JAKMIP3: variants seen among roughly 807,000 people sequenced by gnomAD.
JAKMIP3 encodes the protein Janus kinase and microtubule interacting protein 3.
A neutral mutation model predicts 118.5 loss-of-function variants in JAKMIP3; 58 were observed. The ratio of observed to expected loss-of-function variants is 0.49; its 90% CI spans 0.40 to 0.61. JAKMIP3 has a LOEUF of 0.61. Among genes scored for constraint, JAKMIP3 ranks in the 20% least tolerant of loss-of-function variants. JAKMIP3 has a pLI of 0.00. For synonymous variants in JAKMIP3, 486 were observed against 451.2 expected (o/e 1.08, Z -0.98); for missense variants, 950 against 1,109.0 (o/e 0.86, Z 2.04).
intron 21 of JAKMIP3, among the ~76,000 whole-genome samples, chr10:132,166,412 T>A (rs1355091280): frequency 6.6e-6 from 1 of 152,130 alleles, no homozygotes; most frequent in African/African-American, 2.4e-5. Flanking sequence ...CCCGATTTTC[T>A]CTCGTGTCCA....
At chr10:132,181,229 T>A (rs1180289557) in intron 23 of JAKMIP3, 1 of 152,262 alleles carries the variant, frequency 6.6e-6, no homozygotes, top group African/African-American at 2.4e-5. Context: ...CCAAATGCTC[T>A]GGTCTTGTTC....
Position 132,136,093 on chromosome 10 carries a change from C to T in JAKMIP3, c.1116+17C>T. 2 of 1,611,636 alleles carry T rather than the reference C, an allele frequency of 1.2e-6. No homozygotes were observed. Among genetic ancestry groups the T allele is most frequent in the Non-Finnish European group, 1.7e-6 (2 of 1,179,008 alleles). On this transcript the variant is annotated intron_variant, in intron 6 of 23. Coordinates refer to ENST00000684848, the MANE Select transcript of JAKMIP3 (RefSeq NM_001323087.2). ...ATAGAAATGGTGAGGGGGTGGGGGG[C>T]TCCACGGGGCCACGGTCGCACCCGA...
In JAKMIP3 at chr10:132,145,551, T is replaced by C; in HGVS notation, c.1720T>C (p.Tyr574His). The change falls in exon 13 of 24, where the codon TAC becomes CAC. Residue 574 changes from tyrosine to histidine, a missense_variant. Physicochemically the swap from Tyr to His is moderately conservative, Grantham distance 83 (BLOSUM62 2). Transcript: ENST00000684848. ...GTGGATTGAAGAGAAGCAGGCACTGTACCGGAGAAATCAAGAGCTTGTGGA... is the reference window on the plus strand; with the variant it reads ...GTGGATTGAAGAGAAGCAGGCACTGCACCGGAGAAATCAAGAGCTTGTGGA... ...MKWIEEKQAL[Y>H]RRNQELVEKI... 1 of 1,565,170 alleles carries C rather than the reference T, an allele frequency of 6.4e-7. No individual in the cohort carries two copies.
intron 3 of JAKMIP3, among the ~76,000 whole-genome samples, chr10:132,122,794 A>T (rs2048782079): frequency 6.6e-6 from 1 of 152,170 alleles, no homozygotes; most frequent in South Asian, 2.1e-4. Context: ...GGGCTGCTGG[A>T]GAAGCTGGGT....
At chr10:132,063,658 G>A (rs1033047342), upstream of JAKMIP3, among the ~76,000 whole-genome samples, 1 of 151,456 alleles carries the variant, frequency 6.6e-6, no homozygotes. Flanking sequence ...GGCTCCGGGA[G>A]AGAACGGACC....
chr10:132,103,591 C>T (rs2045444067), intron 1 of JAKMIP3, among the ~76,000 whole-genome samples: 1 of 152,002 alleles, frequency 6.6e-6, no homozygotes, highest in Non-Finnish European at 1.5e-5. Flanking sequence ...TCTCACCAGC[C>T]TCGTCTAATC....
chr10:132,038,747 C>T (rs1205434398), intron 1 of JAKMIP3, among the ~76,000 whole-genome samples: 5 of 147,658 alleles, frequency 3.4e-5, no homozygotes, highest in East Asian at 2.0e-4. Context: ...GAGCTGAGAT[C>T]GCGCCACTGC....
At chr10:132,137,468 T>A (rs2052045511) in intron 8 of JAKMIP3, among the ~76,000 whole-genome samples, 179 bp downstream of exon 8, 1 of 152,192 alleles carries the variant, frequency 6.6e-6, no homozygotes, top group African/African-American at 2.4e-5. Flanking sequence ...GCTGACGCCC[T>A]TCAGTGTGGG....
chr10:132,132,497 C>T (rs547199563), intron 3 of JAKMIP3, among the ~76,000 whole-genome samples: 2 of 152,274 alleles, frequency 1.3e-5, no homozygotes, highest in Admixed American at 6.5e-5. Flanking sequence ...CTGCCATATC[C>T]CCGGAAGGAA....
intron 1 of JAKMIP3, among the ~76,000 whole-genome samples, chr10:132,050,593 T>C (rs983438322): frequency 6.6e-6 from 1 of 152,146 alleles, no homozygotes; most frequent in Non-Finnish European, 1.5e-5. Context: ...GAAGGATTTC[T>C]TGAGGTTGTA....
At chr10:132,067,241 C>T (rs1049873577) in intron 1 of JAKMIP3, among the ~76,000 whole-genome samples, 3 of 147,994 alleles carry the variant, frequency 2.0e-5, no homozygotes, top group African/African-American at 5.0e-5. Flanking sequence ...AGACAAGACG[C>T]CTGGCACATT....
chr10:132,132,668 G>T (rs2050864110), intron 3 of JAKMIP3, among the ~76,000 whole-genome samples: 1 of 152,250 alleles, frequency 6.6e-6, no homozygotes, highest in African/African-American at 2.4e-5. Flanking sequence ...TTAATGAGCA[G>T]TGTGGCTCTG....
intron 3 of JAKMIP3, among the ~76,000 whole-genome samples, chr10:132,132,124 G>A (rs1285142633): frequency 6.6e-6 from 1 of 152,206 alleles, no homozygotes; most frequent in Non-Finnish European, 1.5e-5. Context: ...TGGGGATTTA[G>A]CAATTAAGGA....
At chr10:132,124,316 A>G (rs181800788) in intron 3 of JAKMIP3, among the ~76,000 whole-genome samples, 233 of 145,754 alleles carry the variant, frequency 1.6e-3, no homozygotes, top group Non-Finnish European at 3.0e-3. Flanking sequence ...CAGCTGAACC[A>G]GCCGGCCGCG....
intron 19 of JAKMIP3, among the ~76,000 whole-genome samples, chr10:132,159,566 G>GT (rs1399540703): frequency 7.5e-6 from 1 of 133,924 alleles, no homozygotes; most frequent in Non-Finnish European, 1.6e-5. Context: ...GATGCTGGGG[G>GT]GGCGTGTCTC....
chr10:132,142,666 G>C (rs1244911369), intron 11 of JAKMIP3, among the ~76,000 whole-genome samples: 1 of 152,226 alleles, frequency 6.6e-6, no homozygotes, highest in Non-Finnish European at 1.5e-5. Context: ...TGGGGAGAGC[G>C]TGGGCCATGG....
At chr10:132,109,105 C>CACACACATATATATATATAT (rs1564908500) in intron 2 of JAKMIP3, among the ~76,000 whole-genome samples, 4 of 93,784 alleles carry the variant, frequency 4.3e-5, no homozygotes, top group African/African-American at 1.5e-4. Flanking sequence ...TATATATATA[C>CACACACATATATATATATAT]ACACACACAT....
chr10:132,130,607 C>T (rs953960323), intron 3 of JAKMIP3, among the ~76,000 whole-genome samples: 3 of 152,204 alleles, frequency 2.0e-5, no homozygotes, highest in Non-Finnish European at 4.4e-5. Context: ...GAGACCTGCT[C>T]GGGGGTTGCA....
At chr10:132,180,885 G>T (rs2061354469) in intron 23 of JAKMIP3, among the ~76,000 whole-genome samples, 1 of 152,130 alleles carries the variant, frequency 6.6e-6, no homozygotes, top group Non-Finnish European at 1.5e-5. Flanking sequence ...GCATGTGCAT[G>T]TATGTGTATG....
Sources: allele counts gnomAD v4.1 joint callset (sites outside exome capture counted in the v4.1 genomes callset), GRCh38; gene constraint gnomAD v4.1.1; transcripts MANE v1.5; gene names NCBI Gene and HGNC (gene_info 2026-07-23, HGNC 2026-07-21).